Variants in ERBB4 observed in about 807,000 individuals in gnomAD.
ERBB4 encodes erb-b2 receptor tyrosine kinase 4, also known as receptor tyrosine-protein kinase erbB-4.
A neutral mutation model predicts 158.0 loss-of-function variants in ERBB4; 42 were observed. That is an observed-to-expected ratio of 0.27 (90% CI 0.21 to 0.34). ERBB4 has a LOEUF of 0.34. Ranked by LOEUF, ERBB4 falls within the 10% of genes least tolerant of loss-of-function variation. ERBB4 has a pLI of 1.00. For synonymous variants in ERBB4, 583 were observed against 558.7 expected (o/e 1.04, Z -0.61); for missense variants, 1,333 against 1,624.1 (o/e 0.82, Z 3.08).
intron 3 of ERBB4, among the ~76,000 whole-genome samples, chr2:211,803,847 C>A (rs1477216810): frequency 6.6e-6 from 1 of 152,060 alleles, no homozygotes; most frequent in Non-Finnish European, 1.5e-5. Flanking sequence ...AGCTCCTCTA[C>A]CTATTGATAA....
intron 12 of ERBB4, among the ~76,000 whole-genome samples, chr2:211,687,744 T>C (rs912214440): frequency 6.6e-6 from 1 of 152,156 alleles, no homozygotes; most frequent in African/African-American, 2.4e-5. Context: ...CTGGGATATA[T>C]GCAGCAAAAA....
chr2:211,830,250 T>C (rs2077191410), intron 3 of ERBB4, among the ~76,000 whole-genome samples: 1 of 152,204 alleles, frequency 6.6e-6, no homozygotes, highest in Non-Finnish European at 1.5e-5. Flanking sequence ...CCAGTTATTG[T>C]AAATCACACT....
chr2:211,917,414 G>T (rs2079727320), intron 3 of ERBB4, among the ~76,000 whole-genome samples: 1 of 152,238 alleles, frequency 6.6e-6, no homozygotes, highest in Non-Finnish European at 1.5e-5. Flanking sequence ...CTGACATTTA[G>T]AGAGTGTGCA....
chr2:212,521,331 TGAGAAAACTGCCCTTCAGA>T (rs1692149286), intron 1 of ERBB4, among the ~76,000 whole-genome samples: 1 of 151,826 alleles, frequency 6.6e-6, no homozygotes, highest in South Asian at 2.1e-4. Flanking sequence ...AAAAAGGATT[TGAGAAAACTGCCCTTCAGA>T]GAGAGCCAAA....
intron 3 of ERBB4, among the ~76,000 whole-genome samples, chr2:211,886,651 C>T (rs908734497): frequency 1.3e-4 from 20 of 152,118 alleles, no homozygotes; most frequent in African/African-American, 4.3e-4. Context: ...ATCTTGGGGA[C>T]GGCTATGCTG....
chr2:212,512,732 C>T (rs540360943), intron 1 of ERBB4, among the ~76,000 whole-genome samples: 69 of 152,184 alleles, frequency 4.5e-4, no homozygotes, highest in Non-Finnish European at 7.1e-4. Context: ...TTGATTATAA[C>T]ACACATAAAT....
At chr2:212,232,220 T>C (rs991290331) in intron 1 of ERBB4, among the ~76,000 whole-genome samples, 7 of 152,162 alleles carry the variant, frequency 4.6e-5, no homozygotes, top group African/African-American at 1.7e-4. Flanking sequence ...TAAAGAAACA[T>C]TATGAAGACT....
intron 20 of ERBB4, among the ~76,000 whole-genome samples, chr2:211,550,594 TAA>T (rs1553564365): frequency 2.1e-5 from 3 of 145,258 alleles, no homozygotes; most frequent in African/African-American, 5.0e-5. Flanking sequence ...TATATATATA[TAA>T]ATATATAGAT....
At chr2:211,894,129 T>C (rs1381365272) in intron 3 of ERBB4, among the ~76,000 whole-genome samples, 2 of 104,000 alleles carry the variant, frequency 1.9e-5, no homozygotes, top group Admixed American at 1.1e-4. Context: ...TATTGCGGCA[T>C]TATTCACAAT....
intron 1 of ERBB4, among the ~76,000 whole-genome samples, chr2:212,320,329 A>T (rs1505365): frequency 0.9 from 130,677 of 144,892 alleles, 58,963 homozygotes; most frequent in Middle Eastern, 0.97. Flanking sequence ...TTTTTTTTTT[A>T]CTTCTTCTTC....
At chr2:212,168,997 T>C (rs1057262648) in intron 1 of ERBB4, among the ~76,000 whole-genome samples, 3 of 152,176 alleles carry the variant, frequency 2.0e-5, no homozygotes, top group African/African-American at 7.2e-5. Context: ...TATAAATAGA[T>C]AAAGTATTTA....
chr2:211,908,699 A>G (rs2079462476), intron 3 of ERBB4, among the ~76,000 whole-genome samples: 1 of 151,744 alleles, frequency 6.6e-6, no homozygotes, highest in African/African-American at 2.4e-5. Flanking sequence ...GTGACATTTG[A>G]TTACATTCCG....
At chr2:212,338,506 T>C (rs576933678) in intron 1 of ERBB4, among the ~76,000 whole-genome samples, 1 of 152,272 alleles carries the variant, frequency 6.6e-6, no homozygotes, top group East Asian at 1.9e-4. Flanking sequence ...ATAAAAACAC[T>C]TCACCAGATA....
intron 13 of ERBB4, among the ~76,000 whole-genome samples, chr2:211,676,987 C>T (rs1010805018): frequency 1.3e-5 from 2 of 152,072 alleles, no homozygotes; most frequent in African/African-American, 2.4e-5. Context: ...AGTTACCTCA[C>T]AAAATTAAAT....
chr2:211,864,805 A>C (rs981355563), intron 3 of ERBB4, among the ~76,000 whole-genome samples: 2 of 152,014 alleles, frequency 1.3e-5, no homozygotes, highest in African/African-American at 4.8e-5. Flanking sequence ...GTCGCTACTA[A>C]AAATACAAAA....
chr2:211,861,344 T>G (rs894987049), intron 3 of ERBB4, among the ~76,000 whole-genome samples: 9 of 28,682 alleles, frequency 3.1e-4, no homozygotes, highest in South Asian at 1.4e-3. Flanking sequence ...TTTTTGTTTT[T>G]TTTTTGTTTT....
intron 4 of ERBB4, among the ~76,000 whole-genome samples, chr2:211,780,458 AAG>A (rs1320960507): frequency 6.6e-6 from 1 of 152,240 alleles, no homozygotes; most frequent in East Asian, 1.9e-4. Flanking sequence ...TCAAGGAACT[AAG>A]AGACAAGAAA....
chr2:211,993,193 G>A (rs943492181), intron 2 of ERBB4, among the ~76,000 whole-genome samples: 1 of 152,100 alleles, frequency 6.6e-6, no homozygotes, highest in African/African-American at 2.4e-5. Flanking sequence ...TCTTTAAGGA[G>A]GTAATTACGG....
intron 20 of ERBB4, among the ~76,000 whole-genome samples, chr2:211,503,648 G>A (rs568139751): frequency 1.1e-4 from 16 of 152,252 alleles, no homozygotes; most frequent in Middle Eastern, 3.4e-3. Context: ...TTAGCCTAAC[G>A]GGTCAGGCCT....
Sources: allele counts gnomAD v4.1 joint callset (sites outside exome capture counted in the v4.1 genomes callset), GRCh38; gene constraint gnomAD v4.1.1; transcripts MANE v1.5; gene names NCBI Gene and HGNC (gene_info 2026-07-23, HGNC 2026-07-21).